MMAA: variants seen among roughly 807,000 people sequenced by gnomAD.
MMAA encodes metabolism of cobalamin associated A, also known as methylmalonic aciduria type A protein, mitochondrial.
In MMAA, 41 loss-of-function variants were observed where a neutral mutation model predicts 45.0. The ratio of observed to expected loss-of-function variants is 0.91; its 90% CI spans 0.71 to 1.18. The LOEUF (loss-of-function observed/expected upper bound fraction) is 1.18. Ranked by LOEUF, MMAA falls within the 50% of genes most tolerant of loss-of-function variation. The pLI, the probability that MMAA is intolerant of heterozygous loss-of-function variation, is 0.00. For synonymous variants in MMAA, 154 were observed against 178.2 expected (o/e 0.86, Z 1.08); for missense variants, 460 against 495.7 (o/e 0.93, Z 0.68).
chr4:145,642,698 G>A (rs1351426662), intron 3 of MMAA: 7 of 591,870 alleles, frequency 1.2e-5, no homozygotes, highest in Non-Finnish European at 2.1e-5. Context: ...AGCTCAGTGG[G>A]CACTCAGAAA....
At chr4:145,621,372 G>C (rs1305808071) in intron 1 of MMAA, among the ~76,000 whole-genome samples, 1 of 152,150 alleles carries the variant, frequency 6.6e-6, no homozygotes, top group African/African-American at 2.4e-5. Flanking sequence ...CTAAAAGTAG[G>C]AATTGGGAAA....
chr4:145,639,649 AG>A, intron 2 of MMAA, 71 bp downstream of exon 2: 1 of 1,526,236 alleles, frequency 6.6e-7, no homozygotes, highest in South Asian at 1.3e-5. Flanking sequence ...TTTAAAAAAA[AG>A]TCTAAATAGT....
intron 1 of MMAA, among the ~76,000 whole-genome samples, chr4:145,636,257 A>G (rs1727605502): frequency 6.6e-6 from 1 of 152,186 alleles, no homozygotes; most frequent in African/African-American, 2.4e-5. Flanking sequence ...AGAAGGTCTT[A>G]AATCAGGCTT....
At chr4:145,640,145 C>T (rs1181292091) in intron 2 of MMAA, among the ~76,000 whole-genome samples, 1 of 152,088 alleles carries the variant, frequency 6.6e-6, no homozygotes, top group African/African-American at 2.4e-5. Flanking sequence ...CTTGCTCTGT[C>T]GCCCAGGCTG....
chr4:145,621,313 A>C (rs1301960087), intron 1 of MMAA, among the ~76,000 whole-genome samples: 1 of 152,208 alleles, frequency 6.6e-6, no homozygotes, highest in East Asian at 1.9e-4. Context: ...CAAAACATTT[A>C]ATGGTGATGG....
chr4:145,637,978 C>T (rs977913150), intron 1 of MMAA, among the ~76,000 whole-genome samples: 5 of 152,138 alleles, frequency 3.3e-5, no homozygotes, highest in Admixed American at 6.6e-5. Context: ...ATAGTGACCG[C>T]GGCTCATAAC....
intron 1 of MMAA, among the ~76,000 whole-genome samples, chr4:145,635,941 A>G (rs766087675): frequency 1.4e-4 from 22 of 152,208 alleles, no homozygotes; most frequent in Non-Finnish European, 2.9e-4. Flanking sequence ...ATAGAGAGTC[A>G]AACAACCTGG....
chr4:145,632,392 GTTGT>G (rs1176939083), intron 1 of MMAA, among the ~76,000 whole-genome samples: 2 of 152,252 alleles, frequency 1.3e-5, no homozygotes, highest in East Asian at 3.9e-4. Context: ...TCCATTGTAT[GTTGT>G]TTGTTTCTTT....
rs368671164 is a variant in MMAA, at chr4:145,655,353, G to A, written c.1176G>A (p.Leu392=). 1 of 1,614,144 alleles carries A rather than the reference G, an allele frequency of 6.2e-7. No individual in the cohort carries two copies. Among genetic ancestry groups the A allele is most frequent in the East Asian group, 2.2e-5 (1 of 44,884 alleles). Residue 392 remains leucine, a synonymous_variant, in exon 7 of 7, where the codon CTG becomes CTA. Transcript: ENST00000649156. Reference sequence around the variant, plus strand: ...CAGTCCGGGAACAGATTCCACTTCTGGAACAAAAGGTTCTCATTGGGGCCC... The same window carrying A: ...CAGTCCGGGAACAGATTCCACTTCTAGAACAAAAGGTTCTCATTGGGGCCC... ...HPTVREQIPL[L]EQKVLIGALS... is the part of the protein sequence containing the mutation.
At chr4:145,627,845 CATGTT>C (rs1297114512) in intron 1 of MMAA, among the ~76,000 whole-genome samples, 1 of 152,092 alleles carries the variant, frequency 6.6e-6, no homozygotes. Context: ...TCATATATAT[CATGTT>C]ATTTCAGACT....
Position 145,629,255 on chromosome 4 carries a change from C to T in MMAA, c.-65-9820C>T, listed in dbSNP as rs1032881923. ...ACGCCATTCTCCTGCCTCAGCCTCC[C>T]GTGTAGCTGGGACTACAGGCACCCA... On this transcript the variant is annotated intron_variant, in intron 1 of 6. Transcript: ENST00000649156. 8.5e-5 allele frequency among the ~76,000 whole-genome samples: 13 copies of T among 152,290 alleles called. No individual in the cohort carries two copies. In the South Asian group the frequency reaches 1.0e-3, roughly 12 times the overall value.
At chr4:145,624,747 T>C in intron 1 of MMAA, 1 of 1,596,716 alleles carries the variant, frequency 6.3e-7, no homozygotes, top group South Asian at 1.1e-5. Flanking sequence ...ATACAGAGCC[T>C]TCTCCTCACA....
At chr4:145,626,638 A>C (rs1217243549) in intron 1 of MMAA, among the ~76,000 whole-genome samples, 5 of 152,220 alleles carry the variant, frequency 3.3e-5, no homozygotes, top group Admixed American at 3.3e-4. Context: ...ACACCATATA[A>C]ATCTGGATTT....
At position 145,641,822 on chromosome 4, in the gene MMAA, C is replaced by T. The variant is rs114557408; in HGVS notation, c.440-541C>T. Among the ~76,000 whole-genome samples, 364 of 152,260 alleles carry T rather than the reference C, an allele frequency of 2.4e-3. 2 individuals carry two copies. Among genetic ancestry groups the T allele is most frequent in the African/African-American group, 8.1e-3 (338 of 41,550 alleles). On this transcript the variant is annotated intron_variant, in intron 2 of 6. Transcript: ENST00000649156. ...ACTCTCCAAGTGGGGGAGTTTTCTG[C>T]TTTTCTTAACATAAATTATTTTTTT...
chr4:145,644,592 C>T (rs890886851), intron 3 of MMAA, among the ~76,000 whole-genome samples: 5 of 152,192 alleles, frequency 3.3e-5, no homozygotes, highest in African/African-American at 1.2e-4. Flanking sequence ...GACTTTCAGT[C>T]TTCTAGAATT....
At chr4:145,637,116 C>T (rs1188772659) in intron 1 of MMAA, among the ~76,000 whole-genome samples, 3 of 152,152 alleles carry the variant, frequency 2.0e-5, no homozygotes, top group Non-Finnish European at 4.4e-5. Context: ...TTGCTATAGT[C>T]ACCATTACTC....
chr4:145,627,464 TA>T (rs1053045840), intron 1 of MMAA, among the ~76,000 whole-genome samples: 4 of 149,382 alleles, frequency 2.7e-5, no homozygotes, highest in Admixed American at 6.7e-5. Context: ...TTCATGAACC[TA>T]AAAAAAAAAT....
intron 1 of MMAA, chr4:145,624,530 G>T (rs762292484): frequency 2.7e-6 from 3 of 1,114,364 alleles, no homozygotes; most frequent in African/African-American, 3.1e-5. Context: ...ACAAGGTGCT[G>T]TTCTTTATGA....
chr4:145,640,996 A>G (rs1364075308), intron 2 of MMAA, among the ~76,000 whole-genome samples: 2 of 152,230 alleles, frequency 1.3e-5, no homozygotes, highest in African/African-American at 2.4e-5. Flanking sequence ...CAATGCAGAC[A>G]CAAAAGCCTC....
Sources: allele counts gnomAD v4.1 joint callset (sites outside exome capture counted in the v4.1 genomes callset), GRCh38; gene constraint gnomAD v4.1.1; transcripts MANE v1.5; gene names NCBI Gene and HGNC (gene_info 2026-07-23, HGNC 2026-07-21).